The following NALCN variants were observed in gnomAD, a reference collection of about 807,000 sequenced individuals.
NALCN encodes sodium leak channel NALCN.
A neutral mutation model predicts 225.3 loss-of-function variants in NALCN; 111 were observed. That is an observed-to-expected ratio of 0.49 (90% CI 0.42 to 0.58). The LOEUF is 0.58. Among genes scored for constraint, NALCN ranks in the 20% least tolerant of loss-of-function variants. The probability of loss-of-function intolerance (pLI) is 0.00; values close to 1 mark genes in which losing one functional copy is unlikely to be tolerated. For synonymous variants in NALCN, 764 were observed against 769.0 expected (o/e 0.99, Z 0.11); for missense variants, 1,378 against 2,202.4 (o/e 0.63, Z 7.49).
intron 13 of NALCN, among the ~76,000 whole-genome samples, chr13:101,206,908 T>C (rs2040334934): frequency 6.6e-6 from 1 of 152,074 alleles, no homozygotes; most frequent in Non-Finnish European, 1.5e-5. Context: ...CTCTCACTCA[T>C]GACTTACATC....
At chr13:101,099,461 T>C (rs2034691116) in intron 27 of NALCN, among the ~76,000 whole-genome samples, 1 of 152,060 alleles carries the variant, frequency 6.6e-6, no homozygotes, top group Non-Finnish European at 1.5e-5. Context: ...AAATAAATAA[T>C]GTAGTTCAGG....
chr13:101,185,266 T>A (rs2039402992), intron 14 of NALCN, among the ~76,000 whole-genome samples: 1 of 152,268 alleles, frequency 6.6e-6, no homozygotes, highest in African/African-American at 2.4e-5. Context: ...GAATGCCCAT[T>A]TGTGTCAGCA....
intron 13 of NALCN, among the ~76,000 whole-genome samples, chr13:101,213,916 C>G (rs1307035694): frequency 6.6e-6 from 1 of 152,128 alleles, no homozygotes; most frequent in African/African-American, 2.4e-5. Context: ...CTAGAAATAC[C>G]ATTTGACCCA....
At chr13:101,112,699 A>G (rs2035508712) in intron 18 of NALCN, among the ~76,000 whole-genome samples, 1 of 152,222 alleles carries the variant, frequency 6.6e-6, no homozygotes, top group Non-Finnish European at 1.5e-5. Flanking sequence ...CTGAACACAC[A>G]ATTCTGCCAT....
At chr13:101,334,837 CAT>C (rs1360745129) in intron 7 of NALCN, among the ~76,000 whole-genome samples, 2 of 151,746 alleles carry the variant, frequency 1.3e-5, no homozygotes, top group Non-Finnish European at 2.9e-5. Flanking sequence ...GAATGAAAAA[CAT>C]GTTATAACAT....
intron 6 of NALCN, among the ~76,000 whole-genome samples, chr13:101,357,346 C>T (rs148838610): frequency 6.6e-6 from 1 of 152,088 alleles, no homozygotes; most frequent in Non-Finnish European, 1.5e-5. Context: ...TCTCAGGATA[C>T]AAAATGGATG....
rs1041732651 is a variant in NALCN, at chr13:101,376,883, T to C, written c.515+34A>G. On this transcript the variant is annotated intron_variant, in intron 5 of 43. Coordinates refer to ENST00000251127, the MANE Select transcript of NALCN (RefSeq NM_052867.4). ...AAAACTTACAAAAAACTTCATAAACTTTTCCTCTTAACTTATTGTAAAGCA... is the reference window on the plus strand; with the variant it reads ...AAAACTTACAAAAAACTTCATAAACCTTTCCTCTTAACTTATTGTAAAGCA... The C allele has an allele frequency of 1.9e-6, 3 of 1,613,026 alleles. No individual in the cohort carries two copies. In the African/African-American group the frequency reaches 4.0e-5, roughly 22 times the overall value.
chr13:101,245,918 C>T lies in NALCN; in HGVS notation c.1267-7996G>A, dbSNP rs572313216. ...GTAACTTCACCTCAGCCTCTGATTG[C>T]GGGCAACCACTTCATTTACATGGGG... On this transcript the variant is annotated intron_variant, in intron 11 of 43. Coordinates refer to ENST00000251127, the MANE Select transcript of NALCN (RefSeq NM_052867.4). Among the ~76,000 whole-genome samples, 10 of 152,270 alleles carry T rather than the reference C, an allele frequency of 6.6e-5. No homozygotes were observed. The East Asian group carries it at 1.5e-3, about 24-fold the overall frequency.
chr13:101,302,229 T>C (rs2043999369), intron 7 of NALCN, among the ~76,000 whole-genome samples: 1 of 152,172 alleles, frequency 6.6e-6, no homozygotes, highest in South Asian at 2.1e-4. Context: ...ATCATACATA[T>C]TCAATAAAAA....
chr13:101,336,403 A>C (rs1013503193), intron 7 of NALCN, among the ~76,000 whole-genome samples: 1 of 152,166 alleles, frequency 6.6e-6, no homozygotes, highest in African/African-American at 2.4e-5. Flanking sequence ...AATACTCATA[A>C]TTACGTTCTT....
Position 101,294,144 on chromosome 13 carries a change from A to T in NALCN, c.800-1778T>A, listed in dbSNP as rs867783952. Among the ~76,000 whole-genome samples, 71 of 151,924 alleles carry T rather than the reference A, an allele frequency of 4.7e-4. 1 individual carries two copies. Among genetic ancestry groups the T allele is most frequent in the African/African-American group, 1.5e-3 (61 of 41,432 alleles). On this transcript the variant is annotated intron_variant, in intron 7 of 43. Coordinates refer to ENST00000251127, the MANE Select transcript of NALCN (RefSeq NM_052867.4). ...AACCCATATCATCAGGTCAAAAAAA[A>T]TTTTTTTTTACCATGCTATTTATAT...
intron 20 of NALCN, among the ~76,000 whole-genome samples, 200 bp downstream of exon 20, chr13:101,110,419 A>G (rs1011794721): frequency 6.6e-6 from 1 of 152,198 alleles, no homozygotes; most frequent in Non-Finnish European, 1.5e-5. Context: ...GTGTGGGATG[A>G]CTGGAGTTTT....
intron 7 of NALCN, among the ~76,000 whole-genome samples, chr13:101,330,892 AG>A (rs2139233607): frequency 6.6e-6 from 1 of 152,288 alleles, no homozygotes; most frequent in East Asian, 1.9e-4. Flanking sequence ...CCACCAAGTA[AG>A]ACATACCTTT....
chr13:101,160,037 C>T (rs1205492576), intron 15 of NALCN, among the ~76,000 whole-genome samples: 1 of 152,118 alleles, frequency 6.6e-6, no homozygotes, highest in Non-Finnish European at 1.5e-5. Context: ...TCACTGCAAC[C>T]TCTGCCTCCT....
intron 6 of NALCN, among the ~76,000 whole-genome samples, chr13:101,351,224 C>T (rs890976671): frequency 7.9e-5 from 12 of 152,080 alleles, no homozygotes; most frequent in African/African-American, 2.9e-4. Flanking sequence ...GTTTTATGCA[C>T]TTTTAAGTGT....
At chr13:101,379,818 A>G (rs1286487204) in intron 3 of NALCN, among the ~76,000 whole-genome samples, 1 of 152,150 alleles carries the variant, frequency 6.6e-6, no homozygotes, top group Non-Finnish European at 1.5e-5. Context: ...CCTGTGTAAC[A>G]AAACTGCACA....
At chr13:101,311,749 G>C (rs1162747622) in intron 7 of NALCN, among the ~76,000 whole-genome samples, 3 of 151,944 alleles carry the variant, frequency 2.0e-5, no homozygotes, top group Non-Finnish European at 2.9e-5. Flanking sequence ...ATGTGCTGCT[G>C]GATTCGGTTT....
chr13:101,103,238 G>A lies in NALCN; in HGVS notation c.2991C>T (p.Phe997=), dbSNP rs2034919307. The change falls in exon 26 of 44, where the codon TTC becomes TTT. Residue 997 remains phenylalanine, a synonymous_variant. Transcript: ENST00000251127. ...VLRCLRPLRI[F]KLVPQMRKVV... is the part of the protein sequence containing the mutation. ...CTTTCCTCATCTGGGGCACCAGTTT[G>A]AATATGCGCAGAGGTCTCAGGCACC... 1 of 1,614,014 alleles carries A rather than the reference G, an allele frequency of 6.2e-7. No homozygotes were observed. The highest frequency in any genetic ancestry group is 1.7e-5 in the Admixed American group (1 of 60,004).
intron 18 of NALCN, among the ~76,000 whole-genome samples, chr13:101,119,646 A>T (rs146708462): frequency 4.6e-5 from 7 of 152,344 alleles, no homozygotes; most frequent in Non-Finnish European, 1.0e-4. Context: ...AAAGGTAGTG[A>T]TGCTTTTGAA....
Sources: gnomAD v4.1 joint callset for allele counts (sites outside exome capture counted in the v4.1 genomes callset) on GRCh38, gnomAD v4.1.1 for gene constraint, MANE v1.5 for transcripts, NCBI Gene and HGNC (gene_info 2026-07-23, HGNC 2026-07-21) for gene names.